PIK3C2G: variants seen among roughly 807,000 people sequenced by gnomAD.
PIK3C2G encodes phosphatidylinositol 3-kinase C2 domain-containing subunit gamma.
PIK3C2G carries 168 observed loss-of-function variants against 181.1 expected under a neutral mutation model. That is an observed-to-expected ratio of 0.93 (90% CI 0.82 to 1.05). PIK3C2G has a LOEUF of 1.05. Ranked by LOEUF, PIK3C2G falls within the 50% of genes least tolerant of loss-of-function variation. The pLI, the probability that PIK3C2G is intolerant of heterozygous loss-of-function variation, is 0.00. For missense variants in PIK3C2G, 1,869 were observed against 1,732.8 expected (o/e 1.08, Z -1.40); for synonymous variants, 573 against 592.2 (o/e 0.97, Z 0.47).
chr12:18,436,947 T>C (rs1276595724), intron 18 of PIK3C2G, among the ~76,000 whole-genome samples: 1 of 151,926 alleles, frequency 6.6e-6, no homozygotes, highest in East Asian at 1.9e-4. Flanking sequence ...AAAAAGTGTT[T>C]TCTGGGGAGG....
chr12:18,724,508 T>C, the PIK3C2G span, among the ~76,000 whole-genome samples: 3 of 152,246 alleles, frequency 2.0e-5, no homozygotes, highest in African/African-American at 7.2e-5. Flanking sequence ...GTAAACAGCT[T>C]GAATGCAAGA....
the PIK3C2G span, among the ~76,000 whole-genome samples, chr12:18,719,253 C>T: frequency 6.6e-6 from 1 of 152,050 alleles, no homozygotes; most frequent in South Asian, 2.1e-4. Context: ...AATTACGTTG[C>T]CACTTCATCC....
chr12:18,492,889 C>T (rs1382673638), intron 20 of PIK3C2G, among the ~76,000 whole-genome samples: 3 of 152,246 alleles, frequency 2.0e-5, no homozygotes, highest in East Asian at 3.9e-4. Context: ...TAGCACCCTA[C>T]GGTTAGCAGT....
chr12:18,272,227 A>G (rs1948773690), intron 1 of PIK3C2G, among the ~76,000 whole-genome samples: 1 of 152,150 alleles, frequency 6.6e-6, no homozygotes, highest in Non-Finnish European at 1.5e-5. Context: ...TAAAGAAACC[A>G]TATTATTTTT....
the PIK3C2G span, chr12:18,693,316 C>T: frequency 6.5e-7 from 1 of 1,545,766 alleles, no homozygotes; most frequent in Non-Finnish European, 8.9e-7. Flanking sequence ...GAAAAGGCCC[C>T]CCAAGAGACC....
chr12:18,390,465 C>A (rs966336385), intron 14 of PIK3C2G, among the ~76,000 whole-genome samples: 4 of 152,064 alleles, frequency 2.6e-5, no homozygotes, highest in African/African-American at 9.7e-5. Flanking sequence ...ATTTACTAAT[C>A]AGATTCTGAA....
intron 16 of PIK3C2G, among the ~76,000 whole-genome samples, chr12:18,402,478 A>G (rs1439590702): frequency 6.6e-6 from 1 of 152,146 alleles, no homozygotes; most frequent in East Asian, 1.9e-4. Context: ...AAAAACATTG[A>G]ATTGTGCACT....
chr12:18,317,011 C>CT (rs756099726), intron 6 of PIK3C2G, among the ~76,000 whole-genome samples: 4,583 of 117,194 alleles, frequency 0.039, 391 homozygotes, highest in African/African-American at 0.13. Context: ...AGTCTTGATT[C>CT]TTTTTTTTTT....
chr12:18,355,762 T>C (rs1046212385), intron 11 of PIK3C2G, among the ~76,000 whole-genome samples: 1 of 152,132 alleles, frequency 6.6e-6, no homozygotes, highest in African/African-American at 2.4e-5. Context: ...GCCATTGGGG[T>C]TTGGGGTCAT....
chr12:18,327,692 T>G (rs1951408622), intron 8 of PIK3C2G, among the ~76,000 whole-genome samples: 1 of 152,026 alleles, frequency 6.6e-6, no homozygotes, highest in Non-Finnish European at 1.5e-5. Context: ...CTTAATTTTA[T>G]AGAAATTGAA....
chr12:18,302,449 CTA>C (rs1456397841), intron 5 of PIK3C2G, among the ~76,000 whole-genome samples: 1 of 152,136 alleles, frequency 6.6e-6, no homozygotes, highest in East Asian at 1.9e-4. Flanking sequence ...TCCTCAGGCT[CTA>C]TGATGGTGTT....
At chr12:18,330,707 A>T (rs1243649489) in intron 8 of PIK3C2G, among the ~76,000 whole-genome samples, 1 of 152,152 alleles carries the variant, frequency 6.6e-6, no homozygotes. Flanking sequence ...GAGGCCAGGG[A>T]TGAGGAGCAG....
intron 5 of PIK3C2G, among the ~76,000 whole-genome samples, chr12:18,308,529 G>T (rs1383174872): frequency 1.3e-5 from 2 of 151,038 alleles, no homozygotes; most frequent in African/African-American, 4.8e-5. Flanking sequence ...AATTAGTAGA[G>T]GCTCCTTTAT....
intron 18 of PIK3C2G, among the ~76,000 whole-genome samples, chr12:18,443,753 C>T (rs371794226): frequency 7.9e-5 from 12 of 152,150 alleles, no homozygotes; most frequent in African/African-American, 2.9e-4. Context: ...TAAAGTCTAT[C>T]TCTGATCTGT....
At chr12:18,517,168 C>T (rs1303904545) in intron 24 of PIK3C2G, among the ~76,000 whole-genome samples, 1 of 151,854 alleles carries the variant, frequency 6.6e-6, no homozygotes, top group Non-Finnish European at 1.5e-5. Flanking sequence ...TGGTACTTAA[C>T]ATTAGAACAT....
At chr12:18,447,910 G>A (rs1271424955) in intron 18 of PIK3C2G, among the ~76,000 whole-genome samples, 1 of 152,084 alleles carries the variant, frequency 6.6e-6, no homozygotes, top group African/African-American at 2.4e-5. Flanking sequence ...TATTATCATT[G>A]AGAATACATC....
chr12:18,316,289 ATTAAAC>A (rs1950858016), intron 6 of PIK3C2G, among the ~76,000 whole-genome samples: 1 of 152,204 alleles, frequency 6.6e-6, no homozygotes, highest in South Asian at 2.1e-4. Flanking sequence ...CTCCGTCAAT[ATTAAAC>A]TTAAGATTCT....
chr12:18,395,216 T>C (rs944694067), intron 15 of PIK3C2G, among the ~76,000 whole-genome samples: 10 of 150,308 alleles, frequency 6.7e-5, no homozygotes, highest in Non-Finnish European at 1.5e-5. Flanking sequence ...ATAAGATAAA[T>C]TTAAAAATTT....
intron 13 of PIK3C2G, among the ~76,000 whole-genome samples, chr12:18,375,957 G>A (rs1942408022): frequency 6.6e-6 from 1 of 152,238 alleles, no homozygotes; most frequent in Admixed American, 6.5e-5. Flanking sequence ...AGGAGTGAAG[G>A]AAGCTTGTTA....
Sources: allele counts gnomAD v4.1 joint callset (sites outside exome capture counted in the v4.1 genomes callset), GRCh38; gene constraint gnomAD v4.1.1; transcripts MANE v1.5; gene names NCBI Gene and HGNC (gene_info 2026-07-23, HGNC 2026-07-21).